The following KCNG3 variants were observed in gnomAD, a reference collection of about 807,000 sequenced individuals.
KCNG3 encodes the protein potassium voltage-gated channel modifier subfamily G member 3.
KCNG3 carries 15 observed loss-of-function variants against 29.0 expected under a neutral mutation model. The observed-to-expected ratio is 0.52, with a 90% CI of 0.35 to 0.80. KCNG3 has a LOEUF of 0.80. Ranked by LOEUF, KCNG3 falls within the 30% of genes least tolerant of loss-of-function variation. The probability of loss-of-function intolerance (pLI) is 0.01; values close to 1 mark genes in which losing one functional copy is unlikely to be tolerated. For missense variants in KCNG3, 512 were observed against 605.7 expected (o/e 0.85, Z 1.62); for synonymous variants, 322 against 248.9 (o/e 1.29, Z -2.76).
At chr2:42,477,255 G>A (rs527865488) in intron 1 of KCNG3, among the ~76,000 whole-genome samples, 19 of 150,530 alleles carry the variant, frequency 1.3e-4, no homozygotes, top group African/African-American at 4.4e-4. Context: ...AAGGTTTCCA[G>A]TGACTGCTAA....
At chr2:42,421,206 A>T in the KCNG3 span, among the ~76,000 whole-genome samples, 1 of 152,236 alleles carries the variant, frequency 6.6e-6, no homozygotes, top group African/African-American at 2.4e-5. Context: ...TGTTCATTCG[A>T]CATTTACTGA....
At chr2:42,485,445 G>C (rs1039896127) in intron 1 of KCNG3, among the ~76,000 whole-genome samples, 1 of 134,412 alleles carries the variant, frequency 7.4e-6, no homozygotes, top group Non-Finnish European at 1.6e-5. Context: ...TGCCAGCAAA[G>C]AGCATTTTTT....
chr2:42,436,076 A>G, the KCNG3 span, among the ~76,000 whole-genome samples: 1 of 152,274 alleles, frequency 6.6e-6, no homozygotes, highest in Non-Finnish European at 1.5e-5. Context: ...GTACTGATAC[A>G]TGCTACAACA....
At chr2:42,445,489 T>A (rs767004945) in intron 1 of KCNG3, among the ~76,000 whole-genome samples, 13 of 152,006 alleles carry the variant, frequency 8.6e-5, no homozygotes, top group Admixed American at 3.9e-4. Flanking sequence ...ACTCACCAGG[T>A]CACAACTATC....
chr2:42,454,084 C>A (rs1324101999), intron 1 of KCNG3, among the ~76,000 whole-genome samples: 1 of 113,028 alleles, frequency 8.8e-6, no homozygotes. Context: ...ATGAGGATGG[C>A]TACTATACCA....
At chr2:42,468,682 C>T (rs907697604) in intron 1 of KCNG3, among the ~76,000 whole-genome samples, 3 of 151,964 alleles carry the variant, frequency 2.0e-5, no homozygotes, top group African/African-American at 7.3e-5. Flanking sequence ...AGGCTGGGCG[C>T]AGTGTCTCAC....
intron 1 of KCNG3, among the ~76,000 whole-genome samples, chr2:42,462,574 G>A (rs1345097867): frequency 6.6e-6 from 1 of 152,060 alleles, no homozygotes; most frequent in Non-Finnish European, 1.5e-5. Flanking sequence ...CCTAGCTACT[G>A]GAGAGGCTGA....
intron 1 of KCNG3, among the ~76,000 whole-genome samples, chr2:42,485,016 A>G (rs1035112661): frequency 6.6e-6 from 1 of 152,244 alleles, no homozygotes; most frequent in Admixed American, 6.5e-5. Context: ...TTTTTAAAGT[A>G]CTTAAAACCT....
the KCNG3 span, among the ~76,000 whole-genome samples, chr2:42,433,164 G>A: frequency 4.6e-5 from 7 of 152,150 alleles, no homozygotes; most frequent in Middle Eastern, 3.2e-3. Context: ...AGAGAAAGAC[G>A]TAAGATACCC....
the KCNG3 span, among the ~76,000 whole-genome samples, chr2:42,430,849 C>A: frequency 5.9e-5 from 9 of 152,230 alleles, no homozygotes; most frequent in African/African-American, 1.9e-4. Context: ...GTGGCTCACA[C>A]ATGTAATCCC....
intron 1 of KCNG3, among the ~76,000 whole-genome samples, chr2:42,473,180 GC>G (rs908127664): frequency 9.9e-5 from 15 of 151,954 alleles, no homozygotes; most frequent in Admixed American, 3.3e-4. Context: ...ACAGGTGTGA[GC>G]CACCGCGTCC....
At chr2:42,459,844 C>T (rs1353599851) in intron 1 of KCNG3, among the ~76,000 whole-genome samples, 2 of 151,944 alleles carry the variant, frequency 1.3e-5, no homozygotes, top group Non-Finnish European at 2.9e-5. Context: ...GGCATGGTGG[C>T]GGACACCTGT....
chr2:42,449,534 T>C (rs1423493296), intron 1 of KCNG3, among the ~76,000 whole-genome samples: 2 of 125,518 alleles, frequency 1.6e-5, no homozygotes, highest in African/African-American at 3.0e-5. Flanking sequence ...TTTTTTTTTT[T>C]TGAGACAGGG....
the KCNG3 span, among the ~76,000 whole-genome samples, chr2:42,394,012 C>A: frequency 6.6e-6 from 1 of 152,098 alleles, no homozygotes; most frequent in Non-Finnish European, 1.5e-5. Context: ...AACTCCTGAC[C>A]TCAGGTGATC....
At chr2:42,447,056 C>T (rs1049702083) in intron 1 of KCNG3, among the ~76,000 whole-genome samples, 1 of 144,364 alleles carries the variant, frequency 6.9e-6, no homozygotes, top group Non-Finnish European at 1.5e-5. Flanking sequence ...TGCACTCTCA[C>T]CTGTGTGACA....
chr2:42,399,273 G>C, the KCNG3 span, among the ~76,000 whole-genome samples: 1 of 152,026 alleles, frequency 6.6e-6, no homozygotes, highest in Non-Finnish European at 1.5e-5. Context: ...GCCCAGGCTG[G>C]TCTTGAACTC....
chr2:42,394,277 G>A, the KCNG3 span, among the ~76,000 whole-genome samples: 1 of 152,140 alleles, frequency 6.6e-6, no homozygotes, highest in Non-Finnish European at 1.5e-5. Flanking sequence ...AAAAAGGCAG[G>A]GAAGAGTAGA....
chr2:42,391,330 G>C, the KCNG3 span, among the ~76,000 whole-genome samples: 2 of 152,146 alleles, frequency 1.3e-5, no homozygotes, highest in African/African-American at 4.8e-5. Flanking sequence ...AGGGCAAAGT[G>C]ACCTACCTGG....
At chr2:42,458,057 G>T (rs1479208225) in intron 1 of KCNG3, among the ~76,000 whole-genome samples, 1 of 152,040 alleles carries the variant, frequency 6.6e-6, no homozygotes, top group African/African-American at 2.4e-5. Context: ...TCCCTATATA[G>T]CTACAGTCAA....
Sources: gnomAD v4.1 joint callset for allele counts (sites outside exome capture counted in the v4.1 genomes callset) on GRCh38, gnomAD v4.1.1 for gene constraint, MANE v1.5 for transcripts, NCBI Gene and HGNC (gene_info 2026-07-23, HGNC 2026-07-21) for gene names.